Variants in DST observed in about 807,000 individuals in gnomAD.
DST encodes bullous pemphigoid antigen.
DST carries 253 observed loss-of-function variants against 875.2 expected under a neutral mutation model. That is an observed-to-expected ratio of 0.29 (90% confidence interval 0.26 to 0.32). The LOEUF (loss-of-function observed/expected upper bound fraction) is 0.32. Ranked by LOEUF, DST falls within the 10% of genes least tolerant of loss-of-function variation. DST has a pLI of 1.00. For missense variants in DST, 8,287 were observed against 9,111.6 expected (o/e 0.91, Z 3.68); for synonymous variants, 3,124 against 3,197.1 (o/e 0.98, Z 0.77).
chr6:56,569,914 G>T lies in DST; in HGVS notation c.13820C>A (p.Pro4607His), dbSNP rs138967674. The T allele has an allele frequency of 0.011, 17,549 of 1,611,722 alleles. 122 individuals carry two copies. Among genetic ancestry groups the T allele is most frequent in the Non-Finnish European group, 0.013 (15,660 of 1,178,996 alleles). ...TGCACCAAAAGAAGGCTGTACAATGGGAACTTTTTTTGTTGTTTCTTTTAT... is the reference window on the plus strand; with the variant it reads ...TGCACCAAAAGAAGGCTGTACAATGTGAACTTTTTTTGTTGTTTCTTTTAT... ...SWIKETTKKV[P>H]IVQPSFGAED... The change falls in exon 54 of 104, where the codon CCC becomes CAC. Residue 4607 changes from proline to histidine, a missense_variant. By Grantham distance (77) the Pro-to-His change is moderately conservative. This residue lies in a region of DST where 1,513 missense variants were observed against 1,677.8 expected (regional missense o/e 0.90). Transcript: ENST00000680361.
chr6:56,689,611 A>T (rs1314282346), intron 9 of DST, among the ~76,000 whole-genome samples: 1 of 152,174 alleles, frequency 6.6e-6, no homozygotes, highest in Non-Finnish European at 1.5e-5. Context: ...GGCTTTGAGA[A>T]GTACTGCTGC....
chr6:56,913,114 G>A (rs1438537528), intron 2 of DST, among the ~76,000 whole-genome samples: 1 of 152,150 alleles, frequency 6.6e-6, no homozygotes, highest in African/African-American at 2.4e-5. Flanking sequence ...AACAGAATCT[G>A]AGTCCCATTT....
intron 4 of DST, among the ~76,000 whole-genome samples, chr6:56,835,698 T>C (rs1470464738): frequency 2.0e-5 from 3 of 152,212 alleles, no homozygotes; most frequent in Non-Finnish European, 4.4e-5. Flanking sequence ...CAAGTAGTAG[T>C]ATTTCACACC....
intron 36 of DST, chr6:56,619,574 A>C: frequency 6.2e-7 from 1 of 1,613,932 alleles, no homozygotes; most frequent in Non-Finnish European, 8.5e-7. Context: ...GATTCTGTCT[A>C]CTTCTCTTTG....
chr6:56,902,952 T>C (rs532044138), intron 2 of DST, among the ~76,000 whole-genome samples: 17 of 138,942 alleles, frequency 1.2e-4, no homozygotes, highest in Non-Finnish European at 2.3e-4. Context: ...TCTCTCTCTC[T>C]CTCTCTCTGT....
chr6:56,641,984 C>G lies in DST; in HGVS notation c.1990G>C (p.Asp664His). 1 of 1,613,486 alleles carries G rather than the reference C, an allele frequency of 6.2e-7. No individual in the cohort carries two copies. The highest frequency in any genetic ancestry group is 8.5e-7 in the Non-Finnish European group (1 of 1,179,716). The change falls in exon 17 of 104, where the codon GAT becomes CAT. Residue 664 changes from aspartate to histidine, a missense_variant. Physicochemically the swap from Asp to His is moderately conservative, Grantham distance 81. This residue lies in a region of DST where 1,160 missense variants were observed against 1,424.3 expected (regional missense o/e 0.81). Transcript: ENST00000680361. ...QHVIDVQILI[D>H]GKYYQADQLV... Reference sequence around the variant, plus strand: ...TGATCTGCCTGGTAGTATTTTCCATCAATAAGAATCTGTACATCAATTACA... The same window carrying G: ...TGATCTGCCTGGTAGTATTTTCCATGAATAAGAATCTGTACATCAATTACA...
chr6:56,489,379 T>C, intron 86 of DST, 111 bp downstream of exon 86: 2 of 1,113,792 alleles, frequency 1.8e-6, no homozygotes, highest in Non-Finnish European at 2.4e-6. Context: ...AGGTTCACAC[T>C]GGACCTACAT....
At chr6:56,472,741 C>T (rs1033148339) in intron 93 of DST, among the ~76,000 whole-genome samples, 2 of 152,122 alleles carry the variant, frequency 1.3e-5, no homozygotes, top group Non-Finnish European at 2.9e-5. Context: ...TGTATGGGAC[C>T]CCAGCCTTCG....
At chr6:56,643,319 A>G (rs1217247127) in intron 15 of DST, among the ~76,000 whole-genome samples, 1 of 152,184 alleles carries the variant, frequency 6.6e-6, no homozygotes, top group Non-Finnish European at 1.5e-5. Flanking sequence ...TAAACAAATG[A>G]ATTTGATGAG....
At chr6:56,792,846 T>C (rs776488569) in intron 4 of DST, among the ~76,000 whole-genome samples, 4 of 152,002 alleles carry the variant, frequency 2.6e-5, no homozygotes, top group Non-Finnish European at 4.4e-5. Context: ...AGCAGGTGGA[T>C]TGCTTGAGCT....
intron 66 of DST, 31 bp downstream of exon 66, chr6:56,529,417 A>G: frequency 7.2e-7 from 1 of 1,391,616 alleles, no homozygotes; most frequent in Non-Finnish European, 9.4e-7. Context: ...TGAAATGAAA[A>G]AATAAGATAA....
At chr6:56,598,178 T>A (rs567806077) in intron 46 of DST, among the ~76,000 whole-genome samples, 172 bp from the exon 47 acceptor site, 1 of 152,226 alleles carries the variant, frequency 6.6e-6, no homozygotes, top group African/African-American at 2.4e-5. Context: ...GGCAGTTACT[T>A]TGAAGTTTCC....
intron 19 of DST, 30 bp downstream of exon 19, chr6:56,639,899 G>T (rs747245752): frequency 6.2e-7 from 1 of 1,606,288 alleles, no homozygotes; most frequent in Non-Finnish European, 8.5e-7. Context: ...AAACTAAAAT[G>T]AAATATATAC....
chr6:56,808,087 T>G (rs976795547), intron 4 of DST, among the ~76,000 whole-genome samples: 1 of 152,174 alleles, frequency 6.6e-6, no homozygotes, highest in Non-Finnish European at 1.5e-5. Context: ...ATCAGGCACC[T>G]TGGAGTTTGT....
chr6:56,744,140 ACT>A (rs1314670247), intron 4 of DST, among the ~76,000 whole-genome samples: 4 of 148,016 alleles, frequency 2.7e-5, no homozygotes, highest in African/African-American at 5.0e-5. Flanking sequence ...CAAGAGTGAA[ACT>A]CTGTCTCAAA....
chr6:56,746,396 T>C (rs1405091988), intron 4 of DST, among the ~76,000 whole-genome samples: 1 of 152,184 alleles, frequency 6.6e-6, no homozygotes, highest in African/African-American at 2.4e-5. Flanking sequence ...TTATATATGA[T>C]TAGCATACTA....
At position 56,916,418 on chromosome 6, in the gene DST, T is replaced by C. The variant is rs537830329; in HGVS notation, c.217-15797A>G. On this transcript the variant is annotated intron_variant, in intron 2 of 103. Coordinates refer to ENST00000680361, the MANE Select transcript of DST (RefSeq NM_001374736.1). ...TGCCCACTTTCTACTGGTTGTTAAA[T>C]ATTTTGAGCATCACTCCTGCCAGTG... 9.2e-5 allele frequency among the ~76,000 whole-genome samples: 14 copies of C among 152,296 alleles called. No individual in the cohort carries two copies. In the South Asian group the frequency reaches 1.9e-3, roughly 20 times the overall value.
At chr6:56,672,169 G>A (rs367623269) in intron 9 of DST, among the ~76,000 whole-genome samples, 24 of 152,342 alleles carry the variant, frequency 1.6e-4, no homozygotes, top group East Asian at 1.4e-3. Context: ...CAGAGGCACA[G>A]CCAATCCAGG....
intron 15 of DST, 27 bp from the exon 16 acceptor site, chr6:56,642,530 A>G (rs764005544): frequency 6.2e-7 from 1 of 1,609,450 alleles, no homozygotes; most frequent in Non-Finnish European, 8.5e-7. Context: ...AATAAAATAA[A>G]GCTTCTCCCT....
Sources: allele counts gnomAD v4.1 joint callset (sites outside exome capture counted in the v4.1 genomes callset), GRCh38; gene constraint gnomAD v4.1.1; regional missense constraint gnomAD v4.1.1; transcripts MANE v1.5; gene names NCBI Gene and HGNC (gene_info 2026-07-23, HGNC 2026-07-21).